The following KIRREL3 variants were observed in gnomAD, a reference collection of about 807,000 sequenced individuals.
The protein encoded by KIRREL3 is kin of IRRE-like protein 3.
KIRREL3 carries 36 observed loss-of-function variants against 89.7 expected under a neutral mutation model. The ratio of observed to expected loss-of-function variants is 0.40; its 90% confidence interval spans 0.31 to 0.53. The LOEUF (loss-of-function observed/expected upper bound fraction) is 0.53. KIRREL3 is among the 20% of genes least tolerant of loss of function. KIRREL3 has a pLI of 0.49. For missense variants in KIRREL3, 864 were observed against 1,056.6 expected, an observed-to-expected ratio of 0.82 and a Z score of 2.53; for synonymous variants, 445 against 441.4, an observed-to-expected ratio of 1.01 and a Z score of -0.10.
intron 1 of KIRREL3, among the ~76,000 whole-genome samples, chr11:126,801,359 C>T (rs1274508649): frequency 6.6e-6 from 1 of 152,164 alleles, no homozygotes; most frequent in African/African-American, 2.4e-5. Context: ...ACCATGTGAG[C>T]TGCTGGAGTA....
At chr11:126,673,972 T>C (rs1207170160) in intron 1 of KIRREL3, among the ~76,000 whole-genome samples, 1 of 152,236 alleles carries the variant, frequency 6.6e-6, no homozygotes, top group African/African-American at 2.4e-5. Context: ...CTTCTGGTCA[T>C]AGCTCTGCTG....
chr11:126,586,801 T>C (rs1941884060), intron 1 of KIRREL3, among the ~76,000 whole-genome samples: 1 of 152,064 alleles, frequency 6.6e-6, no homozygotes, highest in Middle Eastern at 3.2e-3. Flanking sequence ...TTGCATCACT[T>C]GGGCACTGTT....
chr11:126,429,650 C>T lies in KIRREL3; in HGVS notation c.1697-362G>A, dbSNP rs141358725. Among the ~76,000 whole-genome samples, 120 of 152,296 alleles carry T rather than the reference C, an allele frequency of 7.9e-4. No homozygotes were observed. Among genetic ancestry groups the T allele is most frequent in the African/African-American group, 2.5e-3 (103 of 41,566 alleles). ...GTCTTCTCTGACCTGCTCTACCAGG[C>T]GGGCTCCAATCCCTCCATTCATAGA... On this transcript the variant is annotated intron_variant, in intron 14 of 16. Transcript: ENST00000525144. The surrounding 1 kb of genome is among the most constrained non-coding windows in gnomAD (Gnocchi z 5.2).
At position 126,716,880 on chromosome 11, in the gene KIRREL3, G is replaced by A. The variant is rs1211053519; in HGVS notation, c.56-153968C>T. 2.6e-5 allele frequency among the ~76,000 whole-genome samples: 4 copies of A among 151,934 alleles called. No individual in the cohort carries two copies. In the East Asian group the frequency reaches 7.7e-4, roughly 29 times the overall value. On this transcript the variant is annotated intron_variant, in intron 1 of 16. Transcript: ENST00000525144. Reference sequence around the variant, plus strand: ...GTGCCTGTTTTGTTTCCTTTCCCCTGCTTGTTGGCTGCTGACTCATTTGCC... The same window carrying A: ...GTGCCTGTTTTGTTTCCTTTCCCCTACTTGTTGGCTGCTGACTCATTTGCC...
intron 6 of KIRREL3, 34 bp from the exon 7 acceptor site, chr11:126,456,488 G>A (rs1956349716): frequency 4.4e-6 from 6 of 1,366,492 alleles, no homozygotes; most frequent in Non-Finnish European, 6.1e-6. Flanking sequence ...GTAGACCGGA[G>A]AAAGAATGGG....
chr11:126,654,039 C>T (rs1428360462), intron 1 of KIRREL3, among the ~76,000 whole-genome samples: 1 of 152,188 alleles, frequency 6.6e-6, no homozygotes, highest in African/African-American at 2.4e-5. Context: ...AATCTGATGT[C>T]CTTGAATCTC....
At chr11:126,774,609 G>C (rs1172684810) in intron 1 of KIRREL3, among the ~76,000 whole-genome samples, 1 of 152,166 alleles carries the variant, frequency 6.6e-6, no homozygotes, top group Non-Finnish European at 1.5e-5. Context: ...TGCACGCTCT[G>C]CACCCAAACG....
intron 1 of KIRREL3, among the ~76,000 whole-genome samples, chr11:126,984,238 G>A (rs1308341959): frequency 2.0e-5 from 3 of 152,164 alleles, no homozygotes; most frequent in Non-Finnish European, 2.9e-5. Flanking sequence ...TATTCTCTCT[G>A]GAGATTCACA....
At chr11:126,481,073 A>G (rs1045020103) in intron 4 of KIRREL3, among the ~76,000 whole-genome samples, 2 of 152,240 alleles carry the variant, frequency 1.3e-5, no homozygotes, top group Non-Finnish European at 2.9e-5. Flanking sequence ...CACTAGGGAC[A>G]AGAAGCTTCT....
In KIRREL3 at chr11:126,995,054, A is replaced by C. The variant is rs1458815045; in HGVS notation, c.55+5401T>G. 2 of 377,118 alleles carry C rather than the reference A, an allele frequency of 5.3e-6. No homozygotes were observed. Among genetic ancestry groups the C allele is most frequent in the Non-Finnish European group, 1.1e-5 (2 of 189,968 alleles). 23.4% of individuals were successfully genotyped at this position (377,118 alleles called of 1,614,324 possible). On this transcript the variant is annotated intron_variant, in intron 1 of 16. Coordinates refer to ENST00000525144, the MANE Select transcript of KIRREL3 (RefSeq NM_032531.4). This position sits in a 1 kb window ranked among gnomAD's most constrained non-coding sequence, Gnocchi z 6.5. ...CACATCATTCCTCTAACTGGAAATAAAAATCCCACTCTACTTGGAATACAG... is the reference window on the plus strand; with the variant it reads ...CACATCATTCCTCTAACTGGAAATACAAATCCCACTCTACTTGGAATACAG...
chr11:126,813,636 A>T (rs1190242556), intron 1 of KIRREL3, among the ~76,000 whole-genome samples: 2 of 152,146 alleles, frequency 1.3e-5, no homozygotes, highest in East Asian at 3.8e-4. Flanking sequence ...AGTCATTAGG[A>T]CCCAGGAGCA....
In KIRREL3 at chr11:126,442,535, C is replaced by T. The variant is rs1004695956; in HGVS notation, c.1253-1986G>A. On this transcript the variant is annotated intron_variant, in intron 10 of 16. Transcript: ENST00000525144. ...TGCAGATACCTGATTTGAGCCAAAT[C>T]GGTTGAGGTGTGTGCCAATTTCTTT... Among the ~76,000 whole-genome samples, 16 of 152,174 alleles carry T rather than the reference C, an allele frequency of 1.1e-4. 1 individual carries two copies. Among genetic ancestry groups the T allele is most frequent in the East Asian group, 3.9e-4 (2 of 5,192 alleles).
In KIRREL3 at chr11:126,462,291, G is replaced by C. The variant is rs898024567; in HGVS notation, c.742+866C>G. On this transcript the variant is annotated intron_variant, in intron 6 of 16. Transcript: ENST00000525144. This position sits in a 1 kb window ranked among gnomAD's most constrained non-coding sequence, Gnocchi z 4.8. ...AAATCTATGCTACCTAAGTGGTCTTGGGCAAGTTAATCACCCTTTCGGTGC... is the reference window on the plus strand; with the variant it reads ...AAATCTATGCTACCTAAGTGGTCTTCGGCAAGTTAATCACCCTTTCGGTGC... Among the ~76,000 whole-genome samples the C allele has an allele frequency of 6.6e-6, 1 of 152,122 alleles. No individual in the cohort carries two copies. The highest frequency in any genetic ancestry group is 1.5e-5 in the Non-Finnish European group (1 of 68,016).
rs1457211987 is a variant in KIRREL3, at chr11:126,769,629, C to G, written c.56-206717G>C. The stretch of plus-strand genomic sequence containing the variant: ...AAGCCTTCTTTCCTTCATTTAGCAA[C>G]TTTTAATTAAATGATTTCTGAATAT... On this transcript the variant is annotated intron_variant, in intron 1 of 16. Transcript: ENST00000525144. This position sits in a 1 kb window ranked among gnomAD's most constrained non-coding sequence, Gnocchi z 4.3. Among the ~76,000 whole-genome samples the G allele has an allele frequency of 3.3e-5, 5 of 152,202 alleles. No homozygotes were observed. The highest frequency in any genetic ancestry group is 7.3e-5 in the Non-Finnish European group (5 of 68,038).
chr11:126,996,453 C>T lies in KIRREL3; in HGVS notation c.55+4002G>A, dbSNP rs78110024. Among the ~76,000 whole-genome samples the T allele has an allele frequency of 1.6e-4, 25 of 152,298 alleles. No homozygotes were observed. The East Asian group carries it at 4.2e-3, about 26-fold the overall frequency. On this transcript the variant is annotated intron_variant, in intron 1 of 16. Transcript: ENST00000525144. The surrounding 1 kb of genome is among the most constrained non-coding windows in gnomAD (Gnocchi z 4.7). ...CCTCTGATGTGTTCAGGCTCTCTTC[C>T]GATGCCTCCCCAACCCTGCCCCTCC...
At chr11:126,799,010 G>T (rs986429078) in intron 1 of KIRREL3, among the ~76,000 whole-genome samples, 4 of 152,190 alleles carry the variant, frequency 2.6e-5, no homozygotes, top group African/African-American at 9.7e-5. Flanking sequence ...ATCTGTGTGT[G>T]CCTGTGTGTA....
At chr11:126,824,450 A>G (rs1943335348) in intron 1 of KIRREL3, among the ~76,000 whole-genome samples, 1 of 152,248 alleles carries the variant, frequency 6.6e-6, no homozygotes, top group Non-Finnish European at 1.5e-5. Context: ...AACTCACCCA[A>G]CGTCACACAT....
At chr11:126,974,354 G>A (rs141541989) in intron 1 of KIRREL3, among the ~76,000 whole-genome samples, 15 of 152,192 alleles carry the variant, frequency 9.9e-5, no homozygotes, top group African/African-American at 3.6e-4. Flanking sequence ...CATTGTTAGG[G>A]GACTTTGTCT....
Position 126,523,311 on chromosome 11 carries a change from A to G in KIRREL3, c.284-1847T>C, listed in dbSNP as rs1371924957. ...GAGCTTGAAGGCCCCTCTCACCACCATAAGTGAAGGTTCTTCTGGAGGTGG... is the reference window on the plus strand; with the variant it reads ...GAGCTTGAAGGCCCCTCTCACCACCGTAAGTGAAGGTTCTTCTGGAGGTGG... On this transcript the variant is annotated intron_variant, in intron 3 of 16. Coordinates refer to ENST00000525144, the MANE Select transcript of KIRREL3 (RefSeq NM_032531.4). The surrounding 1 kb of genome is among the most constrained non-coding windows in gnomAD (Gnocchi z 4.9). Among the ~76,000 whole-genome samples the G allele has an allele frequency of 6.6e-6, 1 of 152,084 alleles. No individual in the cohort carries two copies. The highest frequency in any genetic ancestry group is 1.5e-5 in the Non-Finnish European group (1 of 68,016).
Sources: allele counts gnomAD v4.1 joint callset (sites outside exome capture counted in the v4.1 genomes callset), GRCh38; gene constraint gnomAD v4.1.1; non-coding constraint Gnocchi (gnomAD v3.1); transcripts MANE v1.5; gene names NCBI Gene and HGNC (gene_info 2026-07-23, HGNC 2026-07-21).